Variants in DEPDC5 observed in about 807,000 individuals in gnomAD.
DEPDC5 encodes the protein DEP domain containing 5, GATOR1 subcomplex subunit, also known as GATOR1 complex protein DEPDC5.
In DEPDC5, 73 loss-of-function variants were observed where a neutral mutation model predicts 217.3. That is an observed-to-expected ratio of 0.34 (90% CI 0.28 to 0.41). The LOEUF is 0.41. Ranked by LOEUF, DEPDC5 falls within the 10% of genes least tolerant of loss-of-function variation. The pLI, the probability that DEPDC5 is intolerant of heterozygous loss-of-function variation, is 1.00. For synonymous variants in DEPDC5, 733 were observed against 756.7 expected (o/e 0.97, Z 0.51); for missense variants, 1,675 against 2,070.1 (o/e 0.81, Z 3.70).
At chr22:31,793,308 A>G (rs188739975) in intron 12 of DEPDC5, among the ~76,000 whole-genome samples, 259 of 152,268 alleles carry the variant, frequency 1.7e-3, no homozygotes, top group Non-Finnish European at 2.9e-3. Flanking sequence ...GCCGTCTCCA[A>G]GATATCATGT....
chr22:31,784,990 G>A lies in DEPDC5; in HGVS notation c.624+115G>A, dbSNP rs955075133. ...ATTGAGCTATTTTAGGTAAAACCCG[G>A]ACTCCAGATTTAAATTACCCTAATA... On this transcript the variant is annotated intron_variant, in intron 10 of 42. Transcript: ENST00000651528. 2.3e-5 allele frequency: 19 copies of A among 829,468 alleles called. No homozygotes were observed. In the African/African-American group the frequency reaches 3.2e-4, roughly 14 times the overall value. 51.4% of individuals were successfully genotyped at this position (829,468 alleles called of 1,614,324 possible).
chr22:31,883,332 G>A (rs1474225375), intron 38 of DEPDC5, among the ~76,000 whole-genome samples: 3 of 152,154 alleles, frequency 2.0e-5, no homozygotes, highest in Non-Finnish European at 2.9e-5. Flanking sequence ...TGATAAGGGC[G>A]TGCTTTCAGA....
chr22:31,864,361 C>T (rs1380276837), intron 33 of DEPDC5, among the ~76,000 whole-genome samples: 1 of 151,536 alleles, frequency 6.6e-6, no homozygotes, highest in East Asian at 1.9e-4. Context: ...CTGCCTCAGC[C>T]TCCCAAAGTG....
intron 41 of DEPDC5, among the ~76,000 whole-genome samples, chr22:31,902,272 G>C (rs1008216245): frequency 6.6e-6 from 1 of 151,804 alleles, no homozygotes; most frequent in Non-Finnish European, 1.5e-5. Context: ...TAGTCCAGCC[G>C]ACTGTGTTGT....
At chr22:31,789,811 T>C (rs1017030042) in intron 10 of DEPDC5, among the ~76,000 whole-genome samples, 8 of 152,054 alleles carry the variant, frequency 5.3e-5, no homozygotes, top group Non-Finnish European at 1.2e-4. Flanking sequence ...CTTGCTATGC[T>C]GCTTAGGCTG....
At chr22:31,803,704 C>T (rs767074286) in intron 15 of DEPDC5, among the ~76,000 whole-genome samples, 2 of 151,816 alleles carry the variant, frequency 1.3e-5, no homozygotes, top group East Asian at 1.9e-4. Context: ...CGTGATCTCA[C>T]GCCACTGCAT....
rs527743558 is a variant in DEPDC5, at chr22:31,760,355, A to G, written c.147-301A>G. On this transcript the variant is annotated intron_variant, in intron 3 of 42. Coordinates refer to ENST00000651528, the MANE Select transcript of DEPDC5 (RefSeq NM_001242896.3). Reference sequence around the variant, plus strand: ...AGTGCTGGGATTACAGGCATGAGCCACCACACCCGGCCTAATTTTTTCTAT... The same window carrying G: ...AGTGCTGGGATTACAGGCATGAGCCGCCACACCCGGCCTAATTTTTTCTAT... Among the ~76,000 whole-genome samples, 22 of 151,938 alleles carry G rather than the reference A, an allele frequency of 1.4e-4. No homozygotes were observed. In the South Asian group the frequency reaches 4.2e-3, roughly 29 times the overall value.
chr22:31,844,806 C>T (rs781413558), intron 29 of DEPDC5: 7 of 517,896 alleles, frequency 1.4e-5, no homozygotes, highest in East Asian at 3.8e-5. Flanking sequence ...CCTCCTGCCT[C>T]GGCCTCCCAA....
At chr22:31,899,077 A>ACAG (rs1368875779) in intron 40 of DEPDC5, among the ~76,000 whole-genome samples, 2 of 152,198 alleles carry the variant, frequency 1.3e-5, no homozygotes, top group African/African-American at 2.4e-5. Context: ...CTTTGCTATA[A>ACAG]CAGCACAGGA....
Position 31,844,809 on chromosome 22 carries a change from C to A in DEPDC5, c.2802-209C>A. On this transcript the variant is annotated intron_variant, in intron 29 of 42. Coordinates refer to ENST00000651528, the MANE Select transcript of DEPDC5 (RefSeq NM_001242896.3). ...AGTTCAAGCAATCCTCCTGCCTCGG[C>A]CTCCCAAAGTGCTGGGATTATAGGT... is the stretch of plus-strand genomic sequence containing the variant. 4 of 545,224 alleles carry A rather than the reference C, an allele frequency of 7.3e-6. No individual in the cohort carries two copies. In the South Asian group the frequency reaches 9.5e-5, roughly 13 times the overall value. 33.8% of individuals were successfully genotyped at this position (545,224 alleles called of 1,614,324 possible). A position where few individuals can be genotyped will look rare whatever the true frequency, so the allele number is the denominator to read the frequency against.
Position 31,754,119 on chromosome 22 carries a change from G to T in DEPDC5, c.-106G>T, listed in dbSNP as rs942206015. 7.2e-5 allele frequency: 11 copies of T among 152,912 alleles called. No homozygotes were observed. The highest frequency in any genetic ancestry group is 2.4e-4 in the African/African-American group (10 of 41,486). 9.5% of individuals were successfully genotyped at this position (152,912 alleles called of 1,614,324 possible). ...GCGCAGGGAACCTGGAGAGGGTCCA[G>T]CCCTCAGTGCCCCGGCCAGAGGCGG... On this transcript the variant is annotated 5_prime_UTR_variant, in exon 1 of 43. Coordinates refer to ENST00000651528, the MANE Select transcript of DEPDC5 (RefSeq NM_001242896.3).
chr22:31,836,962 C>G lies in DEPDC5; in HGVS notation c.2171-10C>G. 1 of 1,546,150 alleles carries G rather than the reference C, an allele frequency of 6.5e-7. No individual in the cohort carries two copies. The highest frequency in any genetic ancestry group is 8.8e-7 in the Non-Finnish European group (1 of 1,137,292). On this transcript the variant is annotated splice_polypyrimidine_tract_variant and intron_variant, in intron 25 of 42. Transcript: ENST00000651528. ...CCACATGTACCTTTTCCCCCTGTTA[C>G]GTGAGGCAGTTCTGACACTGTCTGC...
intron 6 of DEPDC5, among the ~76,000 whole-genome samples, chr22:31,766,916 A>G (rs2082866093): frequency 6.6e-6 from 1 of 152,182 alleles, no homozygotes; most frequent in Non-Finnish European, 1.5e-5. Context: ...ACATTGGAAT[A>G]GAACCGTACT....
rs1039503474 is a variant in DEPDC5 at position 31,907,783 on chromosome 22, G to A, written c.*1286G>A. Reference sequence around the variant, plus strand: ...GGCAGTTCAGGAGCTGTGGGTCAGAGGGGAGAATCCGACAGTGACTGCCAC... The same window carrying A: ...GGCAGTTCAGGAGCTGTGGGTCAGAAGGGAGAATCCGACAGTGACTGCCAC... On this transcript the variant is annotated 3_prime_UTR_variant, in exon 43 of 43. Transcript: ENST00000651528. 6.6e-6 allele frequency: 1 copy of A among 152,238 alleles called. No individual in the cohort carries two copies. The allele number at this position is 152,238 out of a possible 1,614,324, so 9.4% of individuals were successfully genotyped here.
chr22:31,852,566 C>T (rs963867345), intron 31 of DEPDC5, among the ~76,000 whole-genome samples: 8 of 151,994 alleles, frequency 5.3e-5, no homozygotes, highest in Admixed American at 2.0e-4. Context: ...CTTGAACTCC[C>T]GACCTCAGGT....
chr22:31,779,200 G>A (rs1051736143), intron 8 of DEPDC5, among the ~76,000 whole-genome samples: 1 of 152,162 alleles, frequency 6.6e-6, no homozygotes, highest in Non-Finnish European at 1.5e-5. Context: ...GAGACCCAGT[G>A]TATCCTTAGA....
chr22:31,815,382 CTTCT>C, intron 21 of DEPDC5, 170 bp downstream of exon 21: 1 of 663,160 alleles, frequency 1.5e-6, no homozygotes, highest in Non-Finnish European at 2.7e-6. Flanking sequence ...ATATATTATA[CTTCT>C]TTTTTTTTTT....
chr22:31,810,668 G>T (rs1370956778), intron 20 of DEPDC5, 27 bp downstream of exon 20: 7 of 1,612,264 alleles, frequency 4.3e-6, no homozygotes, highest in African/African-American at 1.3e-5. Context: ...ACTTGGGGGT[G>T]CATATAAAAA....
rs528691575 is a variant in DEPDC5 at position 31,762,692 on chromosome 22, G to A, written c.193+1990G>A. On this transcript the variant is annotated intron_variant, in intron 4 of 42. Transcript: ENST00000651528. ...GCAGGAGAATTGCTTGAATCTGGGA[G>A]GCAGAAGTTGTGGTGAGCTGAGATC... Among the ~76,000 whole-genome samples, 7 of 152,254 alleles carry A rather than the reference G, an allele frequency of 4.6e-5. No homozygotes were observed. In the South Asian group the frequency reaches 1.5e-3, roughly 32 times the overall value.
Sources: allele counts gnomAD v4.1 joint callset (sites outside exome capture counted in the v4.1 genomes callset), GRCh38; gene constraint gnomAD v4.1.1; transcripts MANE v1.5; gene names NCBI Gene and HGNC (gene_info 2026-07-23, HGNC 2026-07-21).